Variants in PTPRH observed in about 807,000 individuals in gnomAD.
PTPRH encodes the protein protein tyrosine phosphatase receptor type H.
In PTPRH, 113 loss-of-function variants were observed where a neutral mutation model predicts 130.2. The observed-to-expected ratio is 0.87, with a 90% CI of 0.75 to 1.01. The LOEUF (loss-of-function observed/expected upper bound fraction) is 1.01. Among genes scored for constraint, PTPRH ranks in the 50% least tolerant of loss-of-function variants. PTPRH has a pLI of 0.00. For synonymous variants in PTPRH, 556 were observed against 577.9 expected (o/e 0.96, Z 0.54); for missense variants, 1,430 against 1,425.0 (o/e 1.00, Z -0.06).
rs1361958096 is a variant in PTPRH at position 55,182,088 on chromosome 19, G to A, written c.3126C>T (p.Ser1042=). 7.4e-6 allele frequency: 12 copies of A among 1,614,100 alleles called. No individual in the cohort carries two copies. The highest frequency in any genetic ancestry group is 2.2e-5 in the East Asian group (1 of 44,874). The stretch of plus-strand genomic sequence containing the variant: ...AGCTGAAGGGCCCAAGGAGACCCTC[G>A]GACTGCAGCTGCCGGAGCAGGACGT... ...ALDVLLRQLQ[S]EGLLGPFSFV... is the part of the protein sequence containing the mutation. Residue 1042 remains serine, a synonymous_variant, in exon 19 of 20, where the codon TCC becomes TCT. Coordinates refer to ENST00000376350, the MANE Select transcript of PTPRH (RefSeq NM_002842.5).
intron 5 of PTPRH, among the ~76,000 whole-genome samples, chr19:55,202,756 C>T (rs546653942): frequency 1.3e-5 from 2 of 152,114 alleles, no homozygotes; most frequent in Admixed American, 1.3e-4. Flanking sequence ...TATTTTGTAT[C>T]TGCCAGGCGC....
intron 7 of PTPRH, among the ~76,000 whole-genome samples, chr19:55,199,533 A>C (rs2122174245): frequency 1.3e-5 from 2 of 152,222 alleles, no homozygotes; most frequent in South Asian, 4.2e-4. Flanking sequence ...TGAGCCCAGG[A>C]GGCAGAGGCT....
In PTPRH at chr19:55,200,442, C is replaced by A. The variant is rs2086823819; in HGVS notation, c.1214G>T (p.Cys405Phe). ...ETQTNSSIAL[C>F]WEVPDGPYPQ... Reference sequence around the variant, plus strand: ...GTATGGGCCATCGGGGACTTCCCAGCATAGGGCGATGGAGCTGTTGGTCTG... The same window carrying A: ...GTATGGGCCATCGGGGACTTCCCAGAATAGGGCGATGGAGCTGTTGGTCTG... Residue 405 changes from cysteine (C) to phenylalanine (F), a missense_variant, in exon 7 of 20, where the codon TGC becomes TTC. Cys to Phe is a radical substitution (Grantham distance 205). Transcript: ENST00000376350. 2 of 1,614,142 alleles carry A rather than the reference C, an allele frequency of 1.2e-6. No homozygotes were observed. Among genetic ancestry groups the A allele is most frequent in the East Asian group, 2.2e-5 (1 of 44,876 alleles).
chr19:55,207,369 C>T (rs1264994511), intron 1 of PTPRH, 170 bp from the exon 2 acceptor site: 2 of 675,838 alleles, frequency 3.0e-6, no homozygotes, highest in Non-Finnish European at 5.0e-6. Context: ...TTTCCTGGGT[C>T]GAGGAGAGAA....
chr19:55,196,668 C>T lies in PTPRH; in HGVS notation c.2111G>A (p.Arg704Gln), dbSNP rs368324569. ...EAFELEVGGQ[R>Q]GSQDRSSCGE... ...ACATGAAGATCTGTCCTGGGAGCCC[C>T]GCTGTCCTCCCACCTCCAACTCAAA... Residue 704 changes from arginine (R) to glutamine (Q), a missense_variant, in exon 10 of 20, where the codon CGG becomes CAG. Physicochemically the swap from Arg to Gln is conservative, Grantham distance 43. Transcript: ENST00000376350. 3.6e-5 allele frequency: 58 copies of T among 1,613,928 alleles called. No individual in the cohort carries two copies. The highest frequency in any genetic ancestry group is 4.5e-5 in the East Asian group (2 of 44,878).
At chr19:55,199,999 A>T (rs190654468) in intron 7 of PTPRH, among the ~76,000 whole-genome samples, 1 of 152,306 alleles carries the variant, frequency 6.6e-6, no homozygotes, top group East Asian at 1.9e-4. Context: ...AAAGAAAGAA[A>T]GAAAAGGCCT....
chr19:55,184,124 A>C (rs1400029717), intron 18 of PTPRH, among the ~76,000 whole-genome samples: 2 of 151,878 alleles, frequency 1.3e-5, no homozygotes, highest in Non-Finnish European at 2.9e-5. Flanking sequence ...GTGTCTACTA[A>C]AAATACAAAA....
At chr19:55,206,637 C>A (rs1159861810) in intron 3 of PTPRH, 52 bp downstream of exon 3, 8 of 1,511,312 alleles carry the variant, frequency 5.3e-6, no homozygotes, top group Non-Finnish European at 5.4e-6. Flanking sequence ...CAACCACCCC[C>A]TACCACTGTC....
rs927380057 is a variant in PTPRH, at chr19:55,186,127, T to G, written c.2778+98A>C. On this transcript the variant is annotated intron_variant, in intron 16 of 19. Transcript: ENST00000376350. ...ACACTGAAGACGCCTGGGGTTACCC[T>G]GGAGGAATCCGTAAGGTCTGGGTGT... The G allele has an allele frequency of 7.0e-6, 11 of 1,570,170 alleles. No homozygotes were observed. The African/African-American group carries it at 1.1e-4, about 15-fold the overall frequency.
chr19:55,204,593 A>T (rs1426619107), intron 4 of PTPRH, among the ~76,000 whole-genome samples: 1 of 142,982 alleles, frequency 7.0e-6, no homozygotes, highest in Non-Finnish European at 1.5e-5. Context: ...ACTCCCCCCC[A>T]CCCTTTTTCT....
rs774098000 is a variant in PTPRH at position 55,198,740 on chromosome 19, G to A, written c.1593C>T (p.Thr531=). Residue 531 remains threonine (T), a synonymous_variant, in exon 8 of 20, where the codon ACC becomes ACT. Transcript: ENST00000376350. ...GGCTGCCAGCTTCCAGTTCCTTTAG[G>A]GTGATGTCAGTACCTGAGGTGCTTT... ...RTQSTSGTDI[T]LKELEAGSLY... The A allele has an allele frequency of 1.6e-4, 256 of 1,614,000 alleles. No homozygotes were observed. The highest frequency in any genetic ancestry group is 2.2e-4 in the Non-Finnish European group (255 of 1,180,014).
At chr19:55,187,167 A>C (rs1450554492) in intron 14 of PTPRH, among the ~76,000 whole-genome samples, 2 of 150,390 alleles carry the variant, frequency 1.3e-5, no homozygotes, top group African/African-American at 4.9e-5. Flanking sequence ...AACACGGTGA[A>C]ACCCTGTCTC....
rs973067198 is a variant in PTPRH at position 55,192,191 on chromosome 19, A to C, written c.2258-450T>G. 20 of 351,834 alleles carry C rather than the reference A, an allele frequency of 5.7e-5. 1 individual carries two copies. In the Admixed American group the frequency reaches 7.8e-4, roughly 14 times the overall value. The allele number at this position is 351,834 out of a possible 1,614,324, so 21.8% of individuals were successfully genotyped here. A position where few individuals can be genotyped will look rare whatever the true frequency, so the allele number is the denominator to read the frequency against. ...GCGGAGATGGGCACATCACGAGGTC[A>C]GGAGATCGAGACCATCCTGGTTAAC... On this transcript the variant is annotated intron_variant, in intron 10 of 19. Coordinates refer to ENST00000376350, the MANE Select transcript of PTPRH (RefSeq NM_002842.5).
Position 55,196,890 on chromosome 19 carries a change from C to A in PTPRH, c.1991-102G>T. 6 of 1,419,616 alleles carry A rather than the reference C, an allele frequency of 4.2e-6. No homozygotes were observed. In the South Asian group the frequency reaches 8.2e-5, roughly 19 times the overall value. The allele number at this position is 1,419,616 out of a possible 1,614,324, so 87.9% of individuals were successfully genotyped here. ...CTGAGACGAGCCCATCCCTTCCTCG[C>A]CAAATCCAAACTACCTCATCTTCCC... is the stretch of plus-strand genomic sequence containing the variant. On this transcript the variant is annotated intron_variant, in intron 9 of 19. Coordinates refer to ENST00000376350, the MANE Select transcript of PTPRH (RefSeq NM_002842.5).
Position 55,200,359 on chromosome 19 carries a change from G to C in PTPRH, c.1297C>G (p.Arg433Gly). ...GTCACACTGGTATTTGTTGTGTTTC[G>C]GGTCTCTGTGCCACCACCGTCTCCA... ...YTGDGGGTET[R>G]NTTNTSVTAE... The change falls in exon 7 of 20, where the codon CGA (arginine) becomes GGA (glycine). Residue 433 changes from arginine to glycine, a missense_variant. Coordinates refer to ENST00000376350, the MANE Select transcript of PTPRH (RefSeq NM_002842.5). 6.2e-7 allele frequency: 1 copy of C among 1,614,064 alleles called. No individual in the cohort carries two copies.
Position 55,206,874 on chromosome 19 carries a change from A to G in PTPRH, c.167T>C (p.Leu56Pro), listed in dbSNP as rs1372760354. The change falls in exon 3 of 20, where the codon CTA (leucine) becomes CCA (proline). Residue 56 changes from leucine to proline, a missense_variant. Transcript: ENST00000376350. Reference sequence around the variant, plus strand: ...CCAGTAGTTGGAGTTCTGTGAGTCTAGGCCATCGGGGACCTCCCAGCTCAG... The same window carrying G: ...CCAGTAGTTGGAGTTCTGTGAGTCTGGGCCATCGGGGACCTCCCAGCTCAG... ...ISLSWEVPDGLDSQNSNYWVQ... is the reference protein window; with the variant it reads ...ISLSWEVPDGPDSQNSNYWVQ... The G allele has an allele frequency of 1.9e-6, 3 of 1,613,972 alleles. No individual in the cohort carries two copies. Among genetic ancestry groups the G allele is most frequent in the Non-Finnish European group, 2.5e-6 (3 of 1,179,884 alleles).
intron 9 of PTPRH, 57 bp from the exon 10 acceptor site, chr19:55,196,845 C>A: frequency 1.3e-6 from 2 of 1,563,320 alleles, no homozygotes; most frequent in South Asian, 1.2e-5. Context: ...TCCACCCCCT[C>A]CACCCCTACC....
Position 55,188,163 on chromosome 19 carries a change from G to A in PTPRH, c.2390C>T (p.Pro797Leu). The change falls in exon 13 of 20, where the codon CCA becomes CTA. Residue 797 changes from proline (P) to leucine (L), a missense_variant. Pro to Leu is a moderately conservative substitution (Grantham distance 98). Transcript: ENST00000376350. Reference sequence around the variant, plus strand: ...GAAGTCTTCAGCTGGGATGTCCCCTGGGGAGCTACGGGTTTTGGGGGAGCA... The same window carrying A: ...GAAGTCTTCAGCTGGGATGTCCCCTAGGGAGCTACGGGTTTTGGGGGAGCA... ...PELRDLVFSS[P>L]GDIPAEDFAD... is the part of the protein sequence containing the mutation. The A allele has an allele frequency of 1.9e-6, 3 of 1,613,518 alleles. No individual in the cohort carries two copies. Among genetic ancestry groups the A allele is most frequent in the African/African-American group, 1.3e-5 (1 of 75,020 alleles).
At chr19:55,185,463 CG>C in intron 18 of PTPRH, 38 bp downstream of exon 18, 1 of 1,604,502 alleles carries the variant, frequency 6.2e-7, no homozygotes, top group Non-Finnish European at 8.5e-7. Flanking sequence ...CCCAAGGGAG[CG>C]GTTCTCTCAA....
Sources: allele counts gnomAD v4.1 joint callset (sites outside exome capture counted in the v4.1 genomes callset), GRCh38; gene constraint gnomAD v4.1.1; transcripts MANE v1.5; gene names NCBI Gene and HGNC (gene_info 2026-07-23, HGNC 2026-07-21).